The following PDE4D variants were observed in gnomAD, a reference collection of about 807,000 sequenced individuals.
PDE4D encodes the protein 3',5'-cyclic-AMP phosphodiesterase 4D.
Under a neutral mutation model 87.4 loss-of-function variants are expected in PDE4D, and 24 were observed. That is an observed-to-expected ratio of 0.27 (90% CI 0.20 to 0.39). The LOEUF is 0.39. PDE4D is among the 10% of genes least tolerant of loss of function. The probability of loss-of-function intolerance (pLI) is 1.00; values close to 1 mark genes in which losing one functional copy is unlikely to be tolerated. For missense variants in PDE4D, 714 were observed against 1,041.0 expected, an observed-to-expected ratio of 0.69 and a Z score of 4.32; for synonymous variants, 384 against 383.2, an observed-to-expected ratio of 1.00 and a Z score of -0.02.
chr5:60,401,634 C>T (rs1279526217), intron 1 of PDE4D, among the ~76,000 whole-genome samples: 1 of 152,198 alleles, frequency 6.6e-6, no homozygotes, highest in African/African-American at 2.4e-5. Flanking sequence ...TGGCATCTCC[C>T]TCCAGGCCGC....
intron 1 of PDE4D, among the ~76,000 whole-genome samples, chr5:59,741,137 TG>T (rs1758770192): frequency 6.6e-6 from 1 of 152,196 alleles, no homozygotes; most frequent in Non-Finnish European, 1.5e-5. Context: ...CCAAAGGCTC[TG>T]GGTCAGACTA....
chr5:59,542,146 G>A (rs1021738034), intron 1 of PDE4D, among the ~76,000 whole-genome samples: 1 of 152,018 alleles, frequency 6.6e-6, no homozygotes, highest in African/African-American at 2.4e-5. Flanking sequence ...GTTCTCCCAG[G>A]TCTCTTCTAG....
At chr5:59,713,820 G>T (rs1754572467) in intron 1 of PDE4D, among the ~76,000 whole-genome samples, 2 of 152,134 alleles carry the variant, frequency 1.3e-5, no homozygotes, top group South Asian at 4.1e-4. Context: ...AGTTGGATGG[G>T]CATTTTTTCT....
intron 5 of PDE4D, among the ~76,000 whole-genome samples, chr5:59,098,697 C>CAAAAAAAAAAAAAA (rs3061415): frequency 1.5e-5 from 1 of 67,006 alleles, no homozygotes; most frequent in Non-Finnish European, 2.7e-5. Flanking sequence ...GAGAAAGACT[C>CAAAAAAAAAAAAAA]AAAAAAAAAA....
At chr5:59,992,703 C>G (rs1763137722) in intron 2 of PDE4D, among the ~76,000 whole-genome samples, 1 of 152,024 alleles carries the variant, frequency 6.6e-6, no homozygotes, top group Non-Finnish European at 1.5e-5. Flanking sequence ...GATAAAACTG[C>G]CTCAAGACGT....
At chr5:60,053,135 A>G (rs530471623) in intron 2 of PDE4D, among the ~76,000 whole-genome samples, 48 of 152,306 alleles carry the variant, frequency 3.2e-4, no homozygotes, top group South Asian at 6.2e-4. Context: ...TATAGATTCA[A>G]TGCTATCCCC....
chr5:60,057,365 A>G (rs1770893280), intron 2 of PDE4D, among the ~76,000 whole-genome samples: 1 of 152,026 alleles, frequency 6.6e-6, no homozygotes, highest in African/African-American at 2.4e-5. Flanking sequence ...AAGGTATTTG[A>G]AGGTACATAT....
At chr5:59,994,381 C>CAT (rs1264279068) in intron 2 of PDE4D, among the ~76,000 whole-genome samples, 3 of 151,338 alleles carry the variant, frequency 2.0e-5, no homozygotes, top group African/African-American at 7.3e-5. Context: ...CATGTATATA[C>CAT]ATATATATAT....
chr5:60,397,434 T>C (rs1762958835), intron 1 of PDE4D, among the ~76,000 whole-genome samples: 1 of 152,208 alleles, frequency 6.6e-6, no homozygotes, highest in African/African-American at 2.4e-5. Context: ...ATGGTATATA[T>C]ACACAATGGA....
intron 1 of PDE4D, among the ~76,000 whole-genome samples, chr5:60,500,570 C>T (rs1366534096): frequency 1.3e-5 from 2 of 152,148 alleles, no homozygotes; most frequent in Non-Finnish European, 2.9e-5. Context: ...AGGAACTTTG[C>T]TATTTTCAAA....
At chr5:58,997,671 C>G (rs1459980753) in intron 6 of PDE4D, among the ~76,000 whole-genome samples, 1 of 31,702 alleles carries the variant, frequency 3.2e-5, no homozygotes, top group Non-Finnish European at 5.2e-5. Flanking sequence ...AGGGTTGCAA[C>G]TAAAAAAACG....
At chr5:59,365,330 A>C (rs529261154) in intron 1 of PDE4D, among the ~76,000 whole-genome samples, 15 of 151,962 alleles carry the variant, frequency 9.9e-5, no homozygotes, top group Non-Finnish European at 1.6e-4. Flanking sequence ...ATGGTGGTGC[A>C]TGCCTGGGGT....
At chr5:60,402,092 C>T (rs1269676637) in intron 1 of PDE4D, among the ~76,000 whole-genome samples, 4 of 152,210 alleles carry the variant, frequency 2.6e-5, no homozygotes. Flanking sequence ...ACTTCAAACG[C>T]TCTCTCTCAG....
intron 2 of PDE4D, among the ~76,000 whole-genome samples, chr5:59,201,726 A>T (rs1285299925): frequency 6.6e-6 from 1 of 152,162 alleles, no homozygotes; most frequent in African/African-American, 2.4e-5. Context: ...TTCCTAATAT[A>T]ATAAAGCCAA....
intron 1 of PDE4D, among the ~76,000 whole-genome samples, chr5:60,381,938 A>G (rs1307965787): frequency 2.0e-5 from 3 of 152,198 alleles, no homozygotes; most frequent in Non-Finnish European, 4.4e-5. Flanking sequence ...AAACAATGAG[A>G]AGGAAAACAA....
intron 1 of PDE4D, chr5:60,372,533 C>T (rs1394771888): frequency 6.6e-6 from 1 of 152,222 alleles, no homozygotes; most frequent in Non-Finnish European, 1.5e-5. Flanking sequence ...GATAGCCTTA[C>T]CTCCCACTTG....
chr5:59,050,256 A>T (rs1262498029), intron 5 of PDE4D, among the ~76,000 whole-genome samples: 3 of 152,196 alleles, frequency 2.0e-5, no homozygotes, highest in Admixed American at 2.0e-4. Context: ...AATAAGAGCG[A>T]AACTCTGTCC....
chr5:59,604,027 T>C (rs969784579), intron 1 of PDE4D, among the ~76,000 whole-genome samples: 1 of 151,962 alleles, frequency 6.6e-6, no homozygotes, highest in Non-Finnish European at 1.5e-5. Flanking sequence ...CACAATTTTA[T>C]TGGACAGTTA....
intron 1 of PDE4D, among the ~76,000 whole-genome samples, chr5:59,793,660 A>T (rs1444243593): frequency 1.3e-5 from 2 of 152,262 alleles, no homozygotes; most frequent in Non-Finnish European, 2.9e-5. Context: ...AATGTTTTCC[A>T]GGCACATTTA....
Sources: allele counts gnomAD v4.1 joint callset (sites outside exome capture counted in the v4.1 genomes callset), GRCh38; gene constraint gnomAD v4.1.1; transcripts MANE v1.5; gene names NCBI Gene and HGNC (gene_info 2026-07-23, HGNC 2026-07-21).